The following DPP10 variants were observed in gnomAD, a reference collection of about 807,000 sequenced individuals.
DPP10 encodes inactive dipeptidyl peptidase 10.
A neutral mutation model predicts 120.9 loss-of-function variants in DPP10; 33 were observed. The observed-to-expected ratio is 0.27, with a 90% CI of 0.21 to 0.37. The LOEUF (loss-of-function observed/expected upper bound fraction) is 0.37. Ranked by LOEUF, DPP10 falls within the 10% of genes least tolerant of loss-of-function variation. The pLI, the probability that DPP10 is intolerant of heterozygous loss-of-function variation, is 1.00. For synonymous variants in DPP10, 337 were observed against 326.1 expected, an observed-to-expected ratio of 1.03 and a Z score of -0.36; for missense variants, 816 against 942.8, an observed-to-expected ratio of 0.87 and a Z score of 1.76.
chr2:115,178,241 A>T (rs1035861651), intron 1 of DPP10, among the ~76,000 whole-genome samples: 1 of 152,116 alleles, frequency 6.6e-6, no homozygotes, highest in African/African-American at 2.4e-5. Flanking sequence ...ACATTGCCTG[A>T]CAAAGAGTAG....
At chr2:115,372,561 T>C (rs2065485692) in intron 3 of DPP10, among the ~76,000 whole-genome samples, 1 of 152,192 alleles carries the variant, frequency 6.6e-6, no homozygotes, top group Admixed American at 6.5e-5. Flanking sequence ...GAAACACTCT[T>C]AACTGGCTCA....
chr2:115,125,478 A>C (rs985922562), intron 1 of DPP10, among the ~76,000 whole-genome samples: 1 of 152,126 alleles, frequency 6.6e-6, no homozygotes, highest in Admixed American at 6.5e-5. Context: ...CTTTGAAATC[A>C]GAAAAATTAG....
At chr2:115,611,251 C>T (rs1015942948) in intron 5 of DPP10, among the ~76,000 whole-genome samples, 5 of 152,044 alleles carry the variant, frequency 3.3e-5, no homozygotes, top group African/African-American at 9.7e-5. Context: ...TGAAGAAGAG[C>T]GTATTTTCCT....
chr2:115,518,746 G>A (rs2077636838), intron 4 of DPP10, among the ~76,000 whole-genome samples: 2 of 152,014 alleles, frequency 1.3e-5, no homozygotes, highest in Non-Finnish European at 2.9e-5. Context: ...TTTCTACTGG[G>A]CAGCTCCGGT....
At chr2:114,789,843 A>G (rs898811256) in intron 1 of DPP10, among the ~76,000 whole-genome samples, 1 of 152,224 alleles carries the variant, frequency 6.6e-6, no homozygotes, top group Non-Finnish European at 1.5e-5. Context: ...CCAGAGAAGA[A>G]TAAATTCCAG....
chr2:114,887,583 T>C (rs1013150699), intron 1 of DPP10, among the ~76,000 whole-genome samples: 13 of 152,222 alleles, frequency 8.5e-5, no homozygotes, highest in Non-Finnish European at 1.9e-4. Context: ...TTGCTCACCT[T>C]CCAAAAGTGG....
At chr2:115,363,852 C>A (rs1347552584) in intron 3 of DPP10, among the ~76,000 whole-genome samples, 1 of 152,152 alleles carries the variant, frequency 6.6e-6, no homozygotes, top group African/African-American at 2.4e-5. Context: ...TGAGTATGTG[C>A]CCATCATCGG....
At chr2:115,305,758 A>G (rs1397038225) in intron 1 of DPP10, among the ~76,000 whole-genome samples, 1 of 149,552 alleles carries the variant, frequency 6.7e-6, no homozygotes, top group Non-Finnish European at 1.5e-5. Context: ...TTTTTAAATT[A>G]AAAAAAAAAT....
chr2:114,915,245 A>G (rs1205236270), intron 1 of DPP10, among the ~76,000 whole-genome samples: 2 of 152,236 alleles, frequency 1.3e-5, no homozygotes, highest in Non-Finnish European at 2.9e-5. Context: ...TAAGCCAAAA[A>G]TGATCAAAAA....
intron 21 of DPP10, among the ~76,000 whole-genome samples, chr2:115,820,798 TA>T (rs1467996324): frequency 1.3e-4 from 5 of 38,122 alleles, no homozygotes; most frequent in African/African-American, 8.8e-4. Context: ...TTCCATGGTG[TA>T]TGTGTGTGTG....
chr2:114,586,372 T>C (rs1181646221), intron 1 of DPP10, among the ~76,000 whole-genome samples: 1 of 152,192 alleles, frequency 6.6e-6, no homozygotes, highest in East Asian at 1.9e-4. Flanking sequence ...GACATATGAT[T>C]AACAGCAGAG....
chr2:115,106,644 T>G (rs990994071), intron 1 of DPP10, among the ~76,000 whole-genome samples: 2 of 150,664 alleles, frequency 1.3e-5, no homozygotes, highest in Non-Finnish European at 2.9e-5. Flanking sequence ...TTTTTTTTTC[T>G]TGAGACAAGA....
At chr2:115,403,357 A>T (rs187517972) in intron 3 of DPP10, among the ~76,000 whole-genome samples, 123 of 135,480 alleles carry the variant, frequency 9.1e-4, no homozygotes, top group African/African-American at 3.2e-3. Flanking sequence ...CACTGTCACT[A>T]CTTCTCTCTT....
chr2:114,530,879 C>A (rs888182514), intron 1 of DPP10, among the ~76,000 whole-genome samples: 1 of 151,954 alleles, frequency 6.6e-6, no homozygotes, highest in African/African-American at 2.4e-5. Context: ...GTGAGAACTT[C>A]TAGGGAATCT....
At chr2:114,973,797 G>A (rs1699564253) in intron 1 of DPP10, among the ~76,000 whole-genome samples, 2 of 152,012 alleles carry the variant, frequency 1.3e-5, no homozygotes, top group Non-Finnish European at 2.9e-5. Flanking sequence ...TTTCCAGTGG[G>A]ACAAGATGTG....
chr2:115,565,307 T>G (rs2080931304), intron 5 of DPP10, among the ~76,000 whole-genome samples: 1 of 152,242 alleles, frequency 6.6e-6, no homozygotes, highest in Admixed American at 6.5e-5. Flanking sequence ...CTATGTTTTA[T>G]GTACATACAC....
intron 1 of DPP10, among the ~76,000 whole-genome samples, chr2:114,446,341 G>C (rs1290961398): frequency 6.6e-6 from 1 of 152,098 alleles, no homozygotes; most frequent in African/African-American, 2.4e-5. Context: ...TAGTATCCTC[G>C]TGTGTCTAAA....
intron 7 of DPP10, among the ~76,000 whole-genome samples, chr2:115,715,614 A>C (rs1371886833): frequency 6.6e-6 from 1 of 152,306 alleles, no homozygotes; most frequent in Non-Finnish European, 1.5e-5. Context: ...AGGGGCTGTG[A>C]CTTAGTCGCT....
intron 1 of DPP10, among the ~76,000 whole-genome samples, chr2:115,159,119 T>C (rs2052111676): frequency 6.6e-6 from 1 of 152,084 alleles, no homozygotes; most frequent in African/African-American, 2.4e-5. Flanking sequence ...AGAATGAGAA[T>C]ATCTTAATGG....
Sources: allele counts gnomAD v4.1 joint callset (sites outside exome capture counted in the v4.1 genomes callset), GRCh38; gene constraint gnomAD v4.1.1; transcripts MANE v1.5; gene names NCBI Gene and HGNC (gene_info 2026-07-23, HGNC 2026-07-21).